OSBPL10: variants seen among roughly 807,000 people sequenced by gnomAD.
OSBPL10 encodes the protein oxysterol binding protein like 10, also known as oxysterol-binding protein-related protein 10.
OSBPL10 carries 49 observed loss-of-function variants against 81.7 expected under a neutral mutation model. That is an observed-to-expected ratio of 0.60 (90% CI 0.48 to 0.76). The LOEUF (loss-of-function observed/expected upper bound fraction) is 0.76, where lower values mean the gene tolerates loss of function less well. Among genes scored for constraint, OSBPL10 ranks in the 30% least tolerant of loss-of-function variants. The pLI, the probability that OSBPL10 is intolerant of heterozygous loss-of-function variation, is 0.00. For missense variants in OSBPL10, 923 were observed against 987.8 expected (o/e 0.93, Z 0.88); for synonymous variants, 419 against 383.6 (o/e 1.09, Z -1.08).
At chr3:31,981,410 C>T (rs1698840881), upstream of OSBPL10, 2 of 598,690 alleles carry the variant, frequency 3.3e-6, no homozygotes, top group Non-Finnish European at 4.9e-6. This position sits in a 1 kb window ranked among gnomAD's most constrained non-coding sequence, Gnocchi z 4.5. Context: ...GCGGCCAGGG[C>T]CCGGCCCCTC....
intron 1 of OSBPL10, among the ~76,000 whole-genome samples, chr3:31,930,713 G>C (rs11714920): frequency 0.21 from 31,456 of 151,896 alleles, 3,838 homozygotes; most frequent in Non-Finnish European, 0.28. Context: ...ATTGCTACTG[G>C]GTAGAATAAA....
At chr3:31,981,412 C>G (rs1477709953), upstream of OSBPL10, 1 of 599,360 alleles carries the variant, frequency 1.7e-6, no homozygotes, top group African/African-American at 2.0e-5. The surrounding 1 kb of genome is among the most constrained non-coding windows in gnomAD (Gnocchi z 4.5). Context: ...GGCCAGGGCC[C>G]GGCCCCTCCC....
At chr3:31,684,630 A>AG (rs1175120252) in intron 7 of OSBPL10, among the ~76,000 whole-genome samples, 6 of 152,152 alleles carry the variant, frequency 3.9e-5, no homozygotes, top group Admixed American at 1.3e-4. Context: ...GTGCACTGGG[A>AG]GGCCTCGGTA....
At chr3:31,736,099 G>A (rs931693751) in intron 5 of OSBPL10, among the ~76,000 whole-genome samples, 1 of 152,200 alleles carries the variant, frequency 6.6e-6, no homozygotes, top group African/African-American at 2.4e-5. Context: ...AATGGTGGTT[G>A]CTGAGGGTTG....
chr3:31,954,232 C>T (rs1201889338), intron 1 of OSBPL10, among the ~76,000 whole-genome samples: 1 of 152,172 alleles, frequency 6.6e-6, no homozygotes, highest in African/African-American at 2.4e-5. Context: ...GGCTGCCTGG[C>T]CAAGATGCCA....
chr3:31,891,963 T>C (rs892987238), intron 1 of OSBPL10, among the ~76,000 whole-genome samples: 1 of 152,104 alleles, frequency 6.6e-6, no homozygotes, highest in Non-Finnish European at 1.5e-5. Flanking sequence ...AGGATACATG[T>C]GGTATGGGTG....
chr3:31,699,187 T>C (rs75510914), intron 7 of OSBPL10, among the ~76,000 whole-genome samples: 10 of 152,304 alleles, frequency 6.6e-5, no homozygotes, highest in African/African-American at 1.2e-4. Flanking sequence ...ACAACAGTCA[T>C]GTCAGGATCT....
Position 31,971,109 on chromosome 3 carries a change from G to GT in OSBPL10, c.281+9789dup, listed in dbSNP as rs1049244050. Among the ~76,000 whole-genome samples the GT allele has an allele frequency of 4.4e-4, 61 of 138,122 alleles. 1 individual carries two copies. The highest frequency in any genetic ancestry group is 4.1e-3 in the South Asian group (17 of 4,118). The allele number at this position is 138,122 out of a possible 152,430, so 90.6% of individuals were successfully genotyped here. On this transcript the variant is annotated intron_variant, in intron 1 of 11. Coordinates refer to ENST00000396556, the MANE Select transcript of OSBPL10 (RefSeq NM_017784.5). Reference sequence around the variant, plus strand: ...CTGTACTGCTGCATCTAATGAGTTGGTTTTTTTTTTCTGTTTTTTTTTCTT... The same window carrying GT: ...CTGTACTGCTGCATCTAATGAGTTGGTTTTTTTTTTTCTGTTTTTTTTTCTT...
At chr3:31,936,012 T>C (rs372139619) in intron 1 of OSBPL10, among the ~76,000 whole-genome samples, 68 of 152,300 alleles carry the variant, frequency 4.5e-4, no homozygotes, top group African/African-American at 1.5e-3. Flanking sequence ...CTTTTACAGG[T>C]TGGGCCATAC....
At chr3:31,714,430 AAG>A (rs900126030) in intron 6 of OSBPL10, among the ~76,000 whole-genome samples, 1 of 152,094 alleles carries the variant, frequency 6.6e-6, no homozygotes, top group Non-Finnish European at 1.5e-5. Flanking sequence ...GCAGGTAAGG[AAG>A]AGAGAGAGAA....
At chr3:31,738,915 T>TAA (rs757356543) in intron 5 of OSBPL10, among the ~76,000 whole-genome samples, 1 of 148,718 alleles carries the variant, frequency 6.7e-6, no homozygotes, top group Non-Finnish European at 1.5e-5. Context: ...ACATATATAT[T>TAA]AAAAAAAAAA....
chr3:31,968,652 A>T (rs1349176788), intron 1 of OSBPL10, among the ~76,000 whole-genome samples: 2 of 152,240 alleles, frequency 1.3e-5, no homozygotes, highest in African/African-American at 4.8e-5. Flanking sequence ...ATTAATCAAC[A>T]TGAGAAAGAA....
At chr3:32,033,204 C>T (rs1213240313) in intron 2 of OSBPL10, among the ~76,000 whole-genome samples, 3 of 152,106 alleles carry the variant, frequency 2.0e-5, no homozygotes, top group Non-Finnish European at 4.4e-5. Flanking sequence ...ATTTGAAGGT[C>T]TTAAGAGCTG....
At chr3:31,669,095 A>C (rs751791271) in intron 9 of OSBPL10, among the ~76,000 whole-genome samples, 1 of 152,210 alleles carries the variant, frequency 6.6e-6, no homozygotes, top group Non-Finnish European at 1.5e-5. Flanking sequence ...AATTGTGATA[A>C]ACAGATATCA....
rs1005349096 is a variant in OSBPL10 at position 31,662,914 on chromosome 3, C to T, written c.2251-798G>A. ...ACCTCACCTGGGCAGGGCTCCCACACAGGGTCCCCACTCAGTGACCCATAA... is the reference window on the plus strand; with the variant it reads ...ACCTCACCTGGGCAGGGCTCCCACATAGGGTCCCCACTCAGTGACCCATAA... On this transcript the variant is annotated intron_variant, in intron 11 of 11. Transcript: ENST00000396556. 3.0e-6 allele frequency: 3 copies of T among 985,328 alleles called. No individual in the cohort carries two copies. The African/African-American group carries it at 5.2e-5, about 17-fold the overall frequency. 61.0% of individuals were successfully genotyped at this position (985,328 alleles called of 1,614,324 possible).
In OSBPL10 at chr3:31,662,064, C is replaced by G. The variant is rs754832857; in HGVS notation, c.*8G>C. On this transcript the variant is annotated 3_prime_UTR_variant, in exon 12 of 12. Coordinates refer to ENST00000396556, the MANE Select transcript of OSBPL10 (RefSeq NM_017784.5). ...GGCTATACTGGAAAGCTCTGCACCT[C>G]CACCCCATCAGTGTGCTTTCCAGAG... 2 of 1,613,790 alleles carry G rather than the reference C, an allele frequency of 1.2e-6. No homozygotes were observed. Among genetic ancestry groups the G allele is most frequent in the South Asian group, 1.1e-5 (1 of 90,956 alleles).
At position 31,789,542 on chromosome 3, in the gene OSBPL10, G is replaced by A. The variant is rs148267948; in HGVS notation, c.729+40498C>T. Among the ~76,000 whole-genome samples, 938 of 152,326 alleles carry A rather than the reference G, an allele frequency of 6.2e-3. 9 individuals are homozygous for A. Among genetic ancestry groups the A allele is most frequent in the African/African-American group, 0.019 (807 of 41,574 alleles). ...AGGTCCAGGAAAGGACTCAGAACTC[G>A]GCATGTGCCTGTGAAAGAAGTGGTG... is the stretch of plus-strand genomic sequence containing the variant. On this transcript the variant is annotated intron_variant, in intron 4 of 11. Coordinates refer to ENST00000396556, the MANE Select transcript of OSBPL10 (RefSeq NM_017784.5).
chr3:31,775,682 G>A (rs551209557), intron 4 of OSBPL10, among the ~76,000 whole-genome samples: 3 of 152,182 alleles, frequency 2.0e-5, no homozygotes, highest in Admixed American at 2.0e-4. Flanking sequence ...AAGGAGGGAC[G>A]GTGGGGAACA....
chr3:32,060,402 G>C lies in OSBPL10; in HGVS notation n.186-13799C>G, dbSNP rs528719658. Among the ~76,000 whole-genome samples, 13 of 152,212 alleles carry C rather than the reference G, an allele frequency of 8.5e-5. No homozygotes were observed. In the South Asian group the frequency reaches 2.5e-3, roughly 29 times the overall value. ...TCGCTGTCCATCAAATGCCCAGGCCGAACGCCATCATTCTCAACTTCTTGT... is the reference window on the plus strand; with the variant it reads ...TCGCTGTCCATCAAATGCCCAGGCCCAACGCCATCATTCTCAACTTCTTGT... On this transcript the variant is annotated intron_variant and non_coding_transcript_variant, in intron 1 of 3. Coordinates refer to the OSBPL10 transcript ENST00000479173.
Sources: gnomAD v4.1 joint callset for allele counts (sites outside exome capture counted in the v4.1 genomes callset) on GRCh38, gnomAD v4.1.1 for gene constraint, Gnocchi (gnomAD v3.1) non-coding constraint, MANE v1.5 for transcripts, NCBI Gene and HGNC (gene_info 2026-07-23, HGNC 2026-07-21) for gene names.